Variants in RGS7 observed in about 807,000 individuals in gnomAD.
The protein encoded by RGS7 is regulator of G protein signaling 7, also known as regulator of G-protein signaling 7.
A neutral mutation model predicts 81.1 loss-of-function variants in RGS7; 27 were observed. That is an observed-to-expected ratio of 0.33 (90% CI 0.25 to 0.46). The LOEUF is 0.46. Ranked by LOEUF, RGS7 falls within the 20% of genes least tolerant of loss-of-function variation. The pLI is 1.00. For synonymous variants in RGS7, 208 were observed against 207.7 expected (o/e 1.00, Z -0.01); for missense variants, 396 against 607.4 (o/e 0.65, Z 3.66).
At chr1:240,819,301 G>A (rs936120455) in intron 10 of RGS7, among the ~76,000 whole-genome samples, 4 of 152,066 alleles carry the variant, frequency 2.6e-5, no homozygotes, top group South Asian at 2.1e-4. Context: ...GTTTTTAGGC[G>A]AAGATTAAAA....
rs1440532696 is a variant in RGS7 at position 241,164,866 on chromosome 1, G to T, written c.79-66104C>A. Among the ~76,000 whole-genome samples, 2 of 152,146 alleles carry T rather than the reference G, an allele frequency of 1.3e-5. No homozygotes were observed. The highest frequency in any genetic ancestry group is 2.9e-5 in the Non-Finnish European group (2 of 68,032). ...AATTTAGGGAACTATTCTCAGAATT[G>T]CCCATAGGTCTTATATAATCTGAAC... is the stretch of plus-strand genomic sequence containing the variant. On this transcript the variant is annotated intron_variant, in intron 2 of 18. Transcript: ENST00000440928. The surrounding 1 kb of genome is among the most constrained non-coding windows in gnomAD (Gnocchi z 4.1).
chr1:241,311,480 C>T (rs1251658457), intron 2 of RGS7, among the ~76,000 whole-genome samples: 3 of 152,096 alleles, frequency 2.0e-5, no homozygotes, highest in Non-Finnish European at 2.9e-5. Flanking sequence ...AAGTGAGCAC[C>T]GGAAGAGCTA....
chr1:241,227,570 CAAA>C (rs5782179), intron 2 of RGS7, among the ~76,000 whole-genome samples: 2,176 of 103,716 alleles, frequency 0.021, 63 homozygotes, highest in African/African-American at 0.073. Flanking sequence ...CTGTCTCTAC[CAAA>C]AAAAAAAAAA....
rs193134718 is a variant in RGS7 at position 240,861,122 on chromosome 1, G to C, written c.609+7465C>G. On this transcript the variant is annotated intron_variant, in intron 9 of 18. Transcript: ENST00000440928. ...GATGTTAAAACAAGTGATCTGGTCA[G>C]GGTCAACGAAAATGCTACAAAATGC... Among the ~76,000 whole-genome samples, 298 of 152,260 alleles carry C rather than the reference G, an allele frequency of 2.0e-3. 3 individuals are homozygous for C. The highest frequency in any genetic ancestry group is 7.0e-3 in the African/African-American group (293 of 41,572).
intron 2 of RGS7, among the ~76,000 whole-genome samples, chr1:241,281,829 A>G (rs192171884): frequency 4.6e-5 from 7 of 152,330 alleles, no homozygotes; most frequent in Admixed American, 3.9e-4. Flanking sequence ...CATTCAACTT[A>G]CATGTCAGCT....
chr1:241,305,593 C>G (rs2080047407), intron 2 of RGS7: 1 of 151,416 alleles, frequency 6.6e-6, no homozygotes, highest in South Asian at 2.1e-4. Flanking sequence ...TCCCTGGCAG[C>G]TGCTTTCCTC....
At chr1:240,838,722 T>C (rs553055398) in intron 9 of RGS7, among the ~76,000 whole-genome samples, 1 of 152,250 alleles carries the variant, frequency 6.6e-6, no homozygotes, top group African/African-American at 2.4e-5. Context: ...GAGTCTTTCT[T>C]GATGATTTGA....
Position 241,124,520 on chromosome 1 carries a change from T to C in RGS7, c.79-25758A>G, listed in dbSNP as rs186293843. 1.2e-3 allele frequency among the ~76,000 whole-genome samples: 178 copies of C among 152,356 alleles called. 2 individuals carry two copies. Among genetic ancestry groups the C allele is most frequent in the African/African-American group, 4.2e-3 (173 of 41,586 alleles). ...GTTTTGAGGATAGCCCTATTCCCTCTTAAGGCTGGGATAGAGGGTTAGGGA... is the reference window on the plus strand; with the variant it reads ...GTTTTGAGGATAGCCCTATTCCCTCCTAAGGCTGGGATAGAGGGTTAGGGA... On this transcript the variant is annotated intron_variant, in intron 2 of 18. Transcript: ENST00000440928.
chr1:241,147,780 T>TTTTATATATA (rs1428939736), intron 2 of RGS7, among the ~76,000 whole-genome samples: 579 of 44,638 alleles, frequency 0.013, 22 homozygotes, highest in Middle Eastern at 0.023. Context: ...AGATTAAGTT[T>TTTTATATATA]TATATATATA....
chr1:240,784,850 C>T (rs190017115), intron 18 of RGS7, among the ~76,000 whole-genome samples: 31 of 151,924 alleles, frequency 2.0e-4, no homozygotes, highest in African/African-American at 6.0e-4. Flanking sequence ...AAAATCTTAT[C>T]GTTGCCCTTC....
chr1:240,980,459 G>A (rs1017588091), intron 4 of RGS7, among the ~76,000 whole-genome samples: 1 of 152,132 alleles, frequency 6.6e-6, no homozygotes, highest in Non-Finnish European at 1.5e-5. Flanking sequence ...CTACCAGAGA[G>A]CACACAAGAC....
intron 9 of RGS7, among the ~76,000 whole-genome samples, chr1:240,837,253 A>G (rs939643551): frequency 6.6e-5 from 10 of 152,350 alleles, no homozygotes; most frequent in African/African-American, 2.2e-4. Flanking sequence ...AAGCGTGGAC[A>G]CTTTCCTGTG....
At chr1:241,126,480 T>A (rs10158313) in intron 2 of RGS7, among the ~76,000 whole-genome samples, 6,026 of 152,232 alleles carry the variant, frequency 0.04, 399 homozygotes, top group African/African-American at 0.14. Flanking sequence ...TAATGGGGCA[T>A]GGGAGTTCAT....
At chr1:240,924,117 A>T (rs1674028224) in intron 6 of RGS7, among the ~76,000 whole-genome samples, 1 of 152,198 alleles carries the variant, frequency 6.6e-6, no homozygotes, top group South Asian at 2.1e-4. Flanking sequence ...TAACTGACCA[A>T]CTTAAAATCT....
intron 6 of RGS7, among the ~76,000 whole-genome samples, chr1:240,898,903 A>G (rs1669526127): frequency 6.6e-6 from 1 of 152,068 alleles, no homozygotes; most frequent in South Asian, 2.1e-4. Context: ...TCCCATTATT[A>G]CTGTGTGGGA....
intron 6 of RGS7, among the ~76,000 whole-genome samples, chr1:240,877,188 T>C: frequency 6.6e-6 from 1 of 151,880 alleles, no homozygotes; most frequent in East Asian, 1.9e-4. Context: ...TGAAATAACT[T>C]GATTTGTAAA....
intron 9 of RGS7, among the ~76,000 whole-genome samples, chr1:240,834,903 C>G (rs1278227466): frequency 6.9e-6 from 1 of 145,028 alleles, no homozygotes; most frequent in African/African-American, 2.7e-5. Context: ...AAAACTCATT[C>G]AGACCTTACA....
intron 18 of RGS7, among the ~76,000 whole-genome samples, chr1:240,787,259 C>T (rs1342347709): frequency 6.6e-6 from 1 of 152,170 alleles, no homozygotes; most frequent in African/African-American, 2.4e-5. Context: ...AAGTCCCTCC[C>T]TCATTCTTCT....
chr1:241,327,151 G>GAAAAGAAAAGA (rs1395652477), intron 2 of RGS7, among the ~76,000 whole-genome samples: 3 of 86,904 alleles, frequency 3.5e-5, no homozygotes, highest in East Asian at 3.3e-4. Flanking sequence ...AGAAAGGAAA[G>GAAAAGAAAAGA]AAAGAAAGAA....
Sources: allele counts gnomAD v4.1 joint callset (sites outside exome capture counted in the v4.1 genomes callset), GRCh38; gene constraint gnomAD v4.1.1; non-coding constraint Gnocchi (gnomAD v3.1); transcripts MANE v1.5; gene names NCBI Gene and HGNC (gene_info 2026-07-23, HGNC 2026-07-21).